Variants in GPHN observed in about 807,000 individuals in gnomAD.
GPHN encodes gephyrin.
GPHN carries 17 observed loss-of-function variants against 95.5 expected under a neutral mutation model. The ratio of observed to expected loss-of-function variants is 0.18; its 90% CI spans 0.12 to 0.27. The LOEUF is 0.27. GPHN is among the 10% of genes least tolerant of loss of function. The pLI is 1.00. For missense variants in GPHN, 660 were observed against 978.1 expected (o/e 0.67, Z 4.34); for synonymous variants, 320 against 322.5 (o/e 0.99, Z 0.08).
At chr14:67,574,233 C>T in the GPHN span, 26 of 1,585,354 alleles carry the variant, frequency 1.6e-5, no homozygotes, top group South Asian at 2.7e-4. This position sits in a 1 kb window ranked among gnomAD's most constrained non-coding sequence, Gnocchi z 4.2. Flanking sequence ...CATATCTCGC[C>T]CTCCACAGCT....
chr14:67,449,818 C>T, the GPHN span: 1 of 152,254 alleles, frequency 6.6e-6, no homozygotes, highest in Non-Finnish European at 1.5e-5. Flanking sequence ...GGAGTTTTGG[C>T]CCAGTGCGGT....
At chr14:66,561,406 A>T (rs1056858431) in intron 1 of GPHN, among the ~76,000 whole-genome samples, 2 of 152,104 alleles carry the variant, frequency 1.3e-5, no homozygotes, top group African/African-American at 4.8e-5. Context: ...GATTATTGCC[A>T]CAATTTCAGA....
At chr14:67,712,090 T>C in the GPHN span, among the ~76,000 whole-genome samples, 1 of 152,148 alleles carries the variant, frequency 6.6e-6, no homozygotes, top group Non-Finnish European at 1.5e-5. Flanking sequence ...CAGCTAATTT[T>C]TGTATTTTTA....
chr14:67,370,025 C>T, the GPHN span, among the ~76,000 whole-genome samples: 1 of 152,224 alleles, frequency 6.6e-6, no homozygotes, highest in Non-Finnish European at 1.5e-5. Context: ...AGCATTGTTT[C>T]TATAGATACT....
chr14:66,584,943 G>A (rs1595088136), intron 1 of GPHN, among the ~76,000 whole-genome samples: 1 of 152,250 alleles, frequency 6.6e-6, no homozygotes, highest in East Asian at 1.9e-4. Context: ...CTATTGATTG[G>A]AATAGTTTCA....
At chr14:67,276,096 G>A in the GPHN span, among the ~76,000 whole-genome samples, 1 of 152,010 alleles carries the variant, frequency 6.6e-6, no homozygotes, top group East Asian at 1.9e-4. Context: ...TTTTTGAAGG[G>A]TTTTTTGTGT....
At chr14:67,345,800 C>T in the GPHN span, 1 of 1,613,982 alleles carries the variant, frequency 6.2e-7, no homozygotes, top group Non-Finnish European at 8.5e-7. Context: ...AGTAGTTCCA[C>T]TGCTTTGGCA....
At chr14:67,661,700 T>A in the GPHN span, among the ~76,000 whole-genome samples, 2 of 149,432 alleles carry the variant, frequency 1.3e-5, no homozygotes, top group African/African-American at 4.9e-5. Context: ...CCTCGGTAAT[T>A]TTTTTTTGTT....
chr14:67,582,158 G>A, the GPHN span: 2 of 1,613,552 alleles, frequency 1.2e-6, no homozygotes, highest in South Asian at 1.1e-5. This position sits in a 1 kb window ranked among gnomAD's most constrained non-coding sequence, Gnocchi z 5.0. Flanking sequence ...GTGGCAGGGA[G>A]GTTTCCTATC....
At chr14:67,722,759 T>G in the GPHN span, 1 of 1,435,508 alleles carries the variant, frequency 7.0e-7, no homozygotes, top group Non-Finnish European at 9.8e-7. Flanking sequence ...AGACCTGCAC[T>G]GGAAGCCGGT....
intron 4 of GPHN, among the ~76,000 whole-genome samples, chr14:66,837,751 A>T (rs2061910358): frequency 6.6e-6 from 1 of 151,850 alleles, no homozygotes; most frequent in Non-Finnish European, 1.5e-5. Flanking sequence ...TGCAATTTTG[A>T]GAATAAGGCA....
At chr14:67,248,141 C>G in the GPHN span, among the ~76,000 whole-genome samples, 49 of 151,962 alleles carry the variant, frequency 3.2e-4, no homozygotes, top group South Asian at 1.0e-2. Flanking sequence ...AATGTTGAAC[C>G]ATATTTGCAT....
the GPHN span, among the ~76,000 whole-genome samples, chr14:67,367,349 G>A: frequency 6.6e-6 from 1 of 152,138 alleles, no homozygotes; most frequent in Non-Finnish European, 1.5e-5. Context: ...TCCTGTCTCA[G>A]CCTCCAGAGT....
chr14:67,537,737 G>A, the GPHN span, among the ~76,000 whole-genome samples: 9 of 152,306 alleles, frequency 5.9e-5, no homozygotes, highest in East Asian at 1.7e-3. Flanking sequence ...TTGCCAGAGA[G>A]ATCCCAGGTC....
the GPHN span, chr14:67,583,972 T>A: frequency 6.2e-7 from 1 of 1,613,740 alleles, no homozygotes; most frequent in African/African-American, 1.3e-5. Context: ...TTGGCACTAT[T>A]TCTCTCCATC....
intron 4 of GPHN, among the ~76,000 whole-genome samples, chr14:66,834,905 A>G (rs1387225638): frequency 2.8e-5 from 4 of 141,404 alleles, no homozygotes; most frequent in Non-Finnish European, 6.2e-5. Flanking sequence ...TTGGTTGGTA[A>G]GCTATTGATT....
At chr14:67,047,801 A>C (rs1407130278) in intron 10 of GPHN, among the ~76,000 whole-genome samples, 1 of 152,164 alleles carries the variant, frequency 6.6e-6, no homozygotes, top group African/African-American at 2.4e-5. Flanking sequence ...TCTGTGCAAA[A>C]CATCAGAAAA....
At chr14:67,645,961 A>G in the GPHN span, among the ~76,000 whole-genome samples, 5 of 152,174 alleles carry the variant, frequency 3.3e-5, no homozygotes, top group African/African-American at 1.2e-4. Context: ...GCCAGATGCT[A>G]GGGGTATAAA....
At chr14:66,755,126 C>A (rs1595794652) in intron 2 of GPHN, among the ~76,000 whole-genome samples, 1 of 152,048 alleles carries the variant, frequency 6.6e-6, no homozygotes, top group Admixed American at 6.6e-5. Flanking sequence ...CTGGTGACTT[C>A]ACTGTCTAAG....
Sources: allele counts gnomAD v4.1 joint callset (sites outside exome capture counted in the v4.1 genomes callset), GRCh38; gene constraint gnomAD v4.1.1; non-coding constraint Gnocchi (gnomAD v3.1); transcripts MANE v1.5; gene names NCBI Gene and HGNC (gene_info 2026-07-23, HGNC 2026-07-21).